BMPR1B: variants seen among roughly 807,000 people sequenced by gnomAD.
BMPR1B encodes bone morphogenetic protein receptor type-1B.
In BMPR1B, 12 loss-of-function variants were observed where a neutral mutation model predicts 59.1. The ratio of observed to expected loss-of-function variants is 0.20; its 90% CI spans 0.13 to 0.33. BMPR1B has a LOEUF of 0.33. BMPR1B is among the 10% of genes least tolerant of loss of function. BMPR1B has a pLI of 1.00. For synonymous variants in BMPR1B, 237 were observed against 207.3 expected (o/e 1.14, Z -1.23); for missense variants, 550 against 610.9 (o/e 0.90, Z 1.05).
intron 3 of BMPR1B, among the ~76,000 whole-genome samples, chr4:95,050,916 A>G (rs112651463): frequency 0.037 from 5,573 of 152,330 alleles, 150 homozygotes; most frequent in African/African-American, 0.074. Flanking sequence ...AAACGTCACA[A>G]AAATGGTCAT....
chr4:95,140,170 A>C (rs1736699905), intron 10 of BMPR1B, among the ~76,000 whole-genome samples: 1 of 152,096 alleles, frequency 6.6e-6, no homozygotes, highest in South Asian at 2.1e-4. Flanking sequence ...TTGACTACTT[A>C]TTTGTCATTC....
intron 2 of BMPR1B, among the ~76,000 whole-genome samples, chr4:94,920,095 T>C (rs1728632851): frequency 6.6e-6 from 1 of 152,164 alleles, no homozygotes; most frequent in Non-Finnish European, 1.5e-5. Context: ...GTGCTTTATA[T>C]GATATTTAAA....
chr4:94,882,797 C>T (rs926983279), intron 2 of BMPR1B, among the ~76,000 whole-genome samples: 4 of 152,122 alleles, frequency 2.6e-5, no homozygotes, highest in African/African-American at 9.7e-5. Flanking sequence ...GATTGTTTAT[C>T]AGTTTTCATG....
At chr4:94,890,543 G>A (rs1727349219) in intron 2 of BMPR1B, among the ~76,000 whole-genome samples, 1 of 152,106 alleles carries the variant, frequency 6.6e-6, no homozygotes, top group African/African-American at 2.4e-5. Flanking sequence ...GTCAATCAGA[G>A]AAGTTGTACT....
At chr4:95,113,269 AC>A (rs1267301698) in intron 4 of BMPR1B, among the ~76,000 whole-genome samples, 1 of 152,112 alleles carries the variant, frequency 6.6e-6, no homozygotes, top group Non-Finnish European at 1.5e-5. Flanking sequence ...ATGCTTTTTG[AC>A]CTTGGTGTAA....
chr4:94,800,181 C>T (rs1266723206), intron 1 of BMPR1B, among the ~76,000 whole-genome samples: 1 of 152,132 alleles, frequency 6.6e-6, no homozygotes, highest in Non-Finnish European at 1.5e-5. Context: ...TTTTCAGTGC[C>T]TCATTGGCTA....
intron 12 of BMPR1B, among the ~76,000 whole-genome samples, chr4:95,153,711 G>T (rs572025726): frequency 2.6e-5 from 4 of 152,200 alleles, no homozygotes; most frequent in African/African-American, 9.6e-5. Context: ...ATAGCCTAGT[G>T]TGTTGGTGCA....
intron 1 of BMPR1B, among the ~76,000 whole-genome samples, chr4:94,863,189 A>G (rs1312254312): frequency 6.6e-6 from 1 of 152,184 alleles, no homozygotes; most frequent in African/African-American, 2.4e-5. Context: ...GGCCTACTTG[A>G]TGGTGGAGGG....
At chr4:94,806,582 A>G (rs940481328) in intron 1 of BMPR1B, among the ~76,000 whole-genome samples, 3 of 152,196 alleles carry the variant, frequency 2.0e-5, no homozygotes, top group Non-Finnish European at 2.9e-5. Context: ...ACCAGTAGCT[A>G]GTAATTCCTT....
chr4:94,915,756 A>G (rs1344105879), intron 2 of BMPR1B, among the ~76,000 whole-genome samples: 1 of 152,190 alleles, frequency 6.6e-6, no homozygotes, highest in Non-Finnish European at 1.5e-5. Flanking sequence ...AATTCCACAA[A>G]TAATCACAAA....
At chr4:95,067,269 A>G (rs890712284) in intron 3 of BMPR1B, among the ~76,000 whole-genome samples, 7 of 152,218 alleles carry the variant, frequency 4.6e-5, no homozygotes, top group Non-Finnish European at 1.0e-4. Context: ...GAAAATTGCT[A>G]AGGGCATTCC....
chr4:94,908,773 C>G (rs1046137715), intron 2 of BMPR1B, among the ~76,000 whole-genome samples: 2 of 152,002 alleles, frequency 1.3e-5, no homozygotes, highest in African/African-American at 4.8e-5. Context: ...GATATCTTCT[C>G]TTTAAAAACA....
chr4:94,868,000 C>T (rs991608362), intron 1 of BMPR1B, among the ~76,000 whole-genome samples: 3 of 149,438 alleles, frequency 2.0e-5, no homozygotes, highest in South Asian at 2.1e-4. Context: ...CATGTGCCAC[C>T]GTGCCTGTGC....
At chr4:95,146,602 T>A (rs985942193) in intron 10 of BMPR1B, among the ~76,000 whole-genome samples, 1 of 152,202 alleles carries the variant, frequency 6.6e-6, no homozygotes, top group Non-Finnish European at 1.5e-5. Context: ...AGATTCTTCT[T>A]GTTCTGGAAT....
At chr4:95,113,246 C>T (rs1731760340) in intron 4 of BMPR1B, among the ~76,000 whole-genome samples, 1 of 152,122 alleles carries the variant, frequency 6.6e-6, no homozygotes, top group South Asian at 2.1e-4. Flanking sequence ...GTCTTTCTTC[C>T]ACAACAATAT....
chr4:94,857,909 A>C (rs1400877948), intron 1 of BMPR1B, among the ~76,000 whole-genome samples: 2 of 152,196 alleles, frequency 1.3e-5, no homozygotes, highest in African/African-American at 4.8e-5. Flanking sequence ...TTTATGTAAA[A>C]TGGAAGTAAA....
chr4:95,043,417 A>G (rs2149176133), intron 3 of BMPR1B, among the ~76,000 whole-genome samples: 1 of 152,256 alleles, frequency 6.6e-6, no homozygotes, highest in Admixed American at 6.5e-5. Context: ...TTGGTAGTTT[A>G]ATCATGTAAG....
At chr4:95,059,426 A>G (rs1727176051) in intron 3 of BMPR1B, among the ~76,000 whole-genome samples, 1 of 152,104 alleles carries the variant, frequency 6.6e-6, no homozygotes, top group African/African-American at 2.4e-5. Flanking sequence ...AGATGTTCAA[A>G]TTGGGGGAAG....
intron 3 of BMPR1B, chr4:95,051,815 A>G (rs1020064423): frequency 9.2e-6 from 14 of 1,517,344 alleles, no homozygotes; most frequent in African/African-American, 4.1e-5. Flanking sequence ...GATGGGGCTG[A>G]GTTAGAGTCT....
Sources: allele counts gnomAD v4.1 joint callset (sites outside exome capture counted in the v4.1 genomes callset), GRCh38; gene constraint gnomAD v4.1.1; transcripts MANE v1.5; gene names NCBI Gene and HGNC (gene_info 2026-07-23, HGNC 2026-07-21).